MAPKAP1: variants seen among roughly 807,000 people sequenced by gnomAD.
MAPKAP1 encodes the protein MAPK associated protein 1.
Under a neutral mutation model 65.7 loss-of-function variants are expected in MAPKAP1, and 20 were observed. That is an observed-to-expected ratio of 0.30 (90% confidence interval 0.21 to 0.44). The LOEUF (loss-of-function observed/expected upper bound fraction) is 0.44, where lower values mean the gene tolerates loss of function less well. Among genes scored for constraint, MAPKAP1 ranks in the 20% least tolerant of loss-of-function variants. The pLI is 1.00. For synonymous variants in MAPKAP1, 222 were observed against 244.3 expected (o/e 0.91, Z 0.85); for missense variants, 423 against 648.0 (o/e 0.65, Z 3.77).
At chr9:125,548,240 C>T (rs772054813) in intron 6 of MAPKAP1, among the ~76,000 whole-genome samples, 1 of 152,134 alleles carries the variant, frequency 6.6e-6, no homozygotes, top group Non-Finnish European at 1.5e-5. Context: ...GCTGCACAGT[C>T]CAGTGGGAGA....
chr9:125,456,430 A>G (rs1358720224), intron 10 of MAPKAP1, among the ~76,000 whole-genome samples: 4 of 152,222 alleles, frequency 2.6e-5, no homozygotes, highest in Admixed American at 1.3e-4. Flanking sequence ...TCTGTCATAG[A>G]GTTCACTGAT....
intron 4 of MAPKAP1, among the ~76,000 whole-genome samples, chr9:125,610,587 C>G (rs1196729043): frequency 6.6e-6 from 1 of 152,162 alleles, no homozygotes; most frequent in Non-Finnish European, 1.5e-5. Context: ...CCACCACCAC[C>G]AAAGACCTAC....
At chr9:125,581,493 T>C (rs1831624369) in intron 5 of MAPKAP1, among the ~76,000 whole-genome samples, 1 of 152,254 alleles carries the variant, frequency 6.6e-6, no homozygotes, top group Admixed American at 6.5e-5. Context: ...TCCTCTTCAG[T>C]GATATGTCTG....
intron 7 of MAPKAP1, among the ~76,000 whole-genome samples, chr9:125,535,748 G>A (rs766961331): frequency 4.6e-5 from 7 of 152,122 alleles, no homozygotes; most frequent in South Asian, 2.1e-4. Context: ...ATATGTACAC[G>A]TAATGTAGAA....
chr9:125,663,837 A>G lies in MAPKAP1; in HGVS notation c.349+5981T>C, dbSNP rs143372136. Among the ~76,000 whole-genome samples, 473 of 152,266 alleles carry G rather than the reference A, an allele frequency of 3.1e-3. 2 individuals carry two copies. Among genetic ancestry groups the G allele is most frequent in the Admixed American group, 4.4e-3 (67 of 15,300 alleles). On this transcript the variant is annotated intron_variant, in intron 3 of 11. Transcript: ENST00000265960. The stretch of plus-strand genomic sequence containing the variant: ...CTTCAAGCTGCTTTTTGTTATTTGC[A>G]ACTAAAAAGTCCTGACGAATATAAA...
intron 7 of MAPKAP1, among the ~76,000 whole-genome samples, chr9:125,540,473 T>C (rs996602642): frequency 1.3e-5 from 2 of 152,260 alleles, no homozygotes; most frequent in Admixed American, 6.5e-5. Context: ...CTGTGATAAC[T>C]ACTGACTCTA....
At chr9:125,670,969 T>C (rs537642003) in intron 2 of MAPKAP1, among the ~76,000 whole-genome samples, 20 of 151,684 alleles carry the variant, frequency 1.3e-4, no homozygotes, top group Middle Eastern at 6.8e-3. Context: ...ATTTAAACTA[T>C]GCTGGGAAGA....
chr9:125,478,471 G>A (rs1854189210), intron 9 of MAPKAP1, among the ~76,000 whole-genome samples: 1 of 152,140 alleles, frequency 6.6e-6, no homozygotes, highest in South Asian at 2.1e-4. Context: ...AGGACCACAG[G>A]TATGCGCCAC....
At chr9:125,443,303 C>T (rs1348097335) in intron 11 of MAPKAP1, among the ~76,000 whole-genome samples, 2 of 152,278 alleles carry the variant, frequency 1.3e-5, no homozygotes, top group Admixed American at 1.3e-4. Context: ...CTATGATCCC[C>T]ACTTTACAGG....
chr9:125,553,041 A>G (rs980804391), intron 6 of MAPKAP1, among the ~76,000 whole-genome samples: 1 of 152,184 alleles, frequency 6.6e-6, no homozygotes, highest in African/African-American at 2.4e-5. Context: ...AAGCAAAATT[A>G]TATGTGTCAC....
At chr9:125,544,997 T>A (rs2133176433) in intron 6 of MAPKAP1, among the ~76,000 whole-genome samples, 1 of 152,344 alleles carries the variant, frequency 6.6e-6, no homozygotes, top group Non-Finnish European at 1.5e-5. Context: ...ATCCTTGACA[T>A]TCCATTTGTT....
At chr9:125,514,325 A>G (rs1299063549) in intron 7 of MAPKAP1, among the ~76,000 whole-genome samples, 1 of 152,022 alleles carries the variant, frequency 6.6e-6, no homozygotes, top group Non-Finnish European at 1.5e-5. Context: ...TCTATAATTT[A>G]CCAGCTCAAG....
chr9:125,569,973 T>G (rs907106053), intron 5 of MAPKAP1, among the ~76,000 whole-genome samples: 6 of 152,220 alleles, frequency 3.9e-5, no homozygotes, highest in Non-Finnish European at 8.8e-5. Context: ...ATAAAAATGT[T>G]TAGTCTAAAT....
chr9:125,462,116 G>C (rs1368892021), intron 10 of MAPKAP1, among the ~76,000 whole-genome samples: 1 of 152,242 alleles, frequency 6.6e-6, no homozygotes, highest in Non-Finnish European at 1.5e-5. Context: ...GCATGAGCAA[G>C]CAAGAGCGCA....
At chr9:125,612,779 C>CAAGGG (rs1199319158) in intron 4 of MAPKAP1, among the ~76,000 whole-genome samples, 1 of 152,150 alleles carries the variant, frequency 6.6e-6, no homozygotes, top group African/African-American at 2.4e-5. Context: ...TTCCTCATGC[C>CAAGGG]AAGGGACATC....
intron 8 of MAPKAP1, among the ~76,000 whole-genome samples, 155 bp from the exon 9 acceptor site, chr9:125,484,738 C>A (rs1302239961): frequency 6.6e-6 from 1 of 152,114 alleles, no homozygotes; most frequent in Non-Finnish European, 1.5e-5. Flanking sequence ...TTCCAGTAAA[C>A]AGAGAATGGT....
intron 10 of MAPKAP1, among the ~76,000 whole-genome samples, chr9:125,455,595 G>T (rs866648572): frequency 0.013 from 1,874 of 147,024 alleles, 43 homozygotes; most frequent in African/African-American, 0.044. Context: ...AAGAAGTGTA[G>T]TTTTTTTTTT....
chr9:125,645,959 AT>A (rs1488428413), intron 4 of MAPKAP1, among the ~76,000 whole-genome samples: 5 of 152,094 alleles, frequency 3.3e-5, no homozygotes, highest in Admixed American at 2.0e-4. Context: ...ATTTTTAAAA[AT>A]TTTTTGAGAT....
chr9:125,476,491 C>T (rs1477484562), intron 9 of MAPKAP1, among the ~76,000 whole-genome samples: 1 of 152,076 alleles, frequency 6.6e-6, no homozygotes, highest in Non-Finnish European at 1.5e-5. Flanking sequence ...AATCCACTTC[C>T]TAAGAACACG....
Sources: gnomAD v4.1 joint callset for allele counts (sites outside exome capture counted in the v4.1 genomes callset) on GRCh38, gnomAD v4.1.1 for gene constraint, MANE v1.5 for transcripts, NCBI Gene and HGNC (gene_info 2026-07-23, HGNC 2026-07-21) for gene names.